The following ARHGEF3 variants were observed in gnomAD, a reference collection of about 807,000 sequenced individuals.
ARHGEF3 encodes Rho guanine nucleotide exchange factor 3.
Under a neutral mutation model 63.2 loss-of-function variants are expected in ARHGEF3, and 28 were observed. The observed-to-expected ratio is 0.44, with a 90% CI of 0.33 to 0.61. The LOEUF (loss-of-function observed/expected upper bound fraction) is 0.61, where lower values mean the gene tolerates loss of function less well. ARHGEF3 is among the 20% of genes least tolerant of loss of function. The probability of loss-of-function intolerance (pLI) is 0.03; values close to 1 mark genes in which losing one functional copy is unlikely to be tolerated. For synonymous variants in ARHGEF3, 266 were observed against 254.2 expected (o/e 1.05, Z -0.44); for missense variants, 533 against 659.3 (o/e 0.81, Z 2.10).
chr3:56,890,538 C>T (rs1400306287), intron 3 of ARHGEF3, among the ~76,000 whole-genome samples: 1 of 152,140 alleles, frequency 6.6e-6, no homozygotes, highest in Non-Finnish European at 1.5e-5. Flanking sequence ...GAGAGTCAGG[C>T]AGGGAGGGTA....
At chr3:56,997,599 C>A (rs1345522316) in intron 2 of ARHGEF3, among the ~76,000 whole-genome samples, 2 of 152,180 alleles carry the variant, frequency 1.3e-5, no homozygotes, top group Non-Finnish European at 2.9e-5. Context: ...CTACCCCGGG[C>A]AGGTTGTCAC....
At chr3:56,896,539 C>T (rs562808395) in intron 3 of ARHGEF3, among the ~76,000 whole-genome samples, 4 of 152,168 alleles carry the variant, frequency 2.6e-5, no homozygotes, top group African/African-American at 7.2e-5. Context: ...TTTTCCTGGT[C>T]CAGAATCCAA....
chr3:56,896,844 CCTCAG>C (rs1197828280), intron 3 of ARHGEF3, among the ~76,000 whole-genome samples: 1 of 152,200 alleles, frequency 6.6e-6, no homozygotes, highest in Non-Finnish European at 1.5e-5. Flanking sequence ...TAGCACATCA[CCTCAG>C]AAGACATGTG....
chr3:57,014,347 C>T (rs9854628), intron 2 of ARHGEF3, among the ~76,000 whole-genome samples: 49,771 of 151,982 alleles, frequency 0.33, 8,537 homozygotes, highest in African/African-American at 0.41. Context: ...CAATAGTGCA[C>T]AGCCTTAACC....
chr3:57,077,604 GAGA>G (rs1240112520), intron 1 of ARHGEF3, among the ~76,000 whole-genome samples: 2 of 152,124 alleles, frequency 1.3e-5, no homozygotes, highest in Non-Finnish European at 2.9e-5. Flanking sequence ...ATGAATGTGG[GAGA>G]AGGTGACAAG....
chr3:57,002,133 G>A (rs1019864442), intron 2 of ARHGEF3, among the ~76,000 whole-genome samples: 1 of 151,288 alleles, frequency 6.6e-6, no homozygotes, highest in Non-Finnish European at 1.5e-5. Context: ...CCATGGTCTC[G>A]ATCTCCTGAC....
intron 2 of ARHGEF3, among the ~76,000 whole-genome samples, chr3:56,763,218 A>T (rs2035519871): frequency 6.6e-6 from 1 of 152,162 alleles, no homozygotes; most frequent in African/African-American, 2.4e-5. Flanking sequence ...AGGATTGGAT[A>T]AGATAAAGTA....
In ARHGEF3 at chr3:56,755,081, G is replaced by A. The variant is rs748819818; in HGVS notation, c.275C>T (p.Ala92Val). ...LAPRPWSRNA[A>V]PSSTKRRDSK... is the part of the protein sequence containing the mutation. ...ATCTCTCCGTTTCGTGCTCGAGGGGGCGGCATTTCTGGACCAGGGTCGGGG... is the reference window on the plus strand; with the variant it reads ...ATCTCTCCGTTTCGTGCTCGAGGGGACGGCATTTCTGGACCAGGGTCGGGG... Residue 92 changes from alanine (A) to valine (V), a missense_variant, in exon 3 of 10, where the codon GCC becomes GTC. Physicochemically the swap from Ala to Val is moderately conservative, Grantham distance 64. Transcript: ENST00000296315. 3.7e-6 allele frequency: 6 copies of A among 1,613,982 alleles called. No individual in the cohort carries two copies. Among genetic ancestry groups the A allele is most frequent in the Non-Finnish European group, 5.1e-6 (6 of 1,180,026 alleles).
intron 1 of ARHGEF3, among the ~76,000 whole-genome samples, chr3:57,043,503 A>C (rs905200039): frequency 2.0e-5 from 3 of 151,780 alleles, no homozygotes; most frequent in Non-Finnish European, 2.9e-5. Context: ...AAAAAAAAAA[A>C]AAACCCTGAG....
chr3:56,791,224 G>A (rs191867924), intron 1 of ARHGEF3, among the ~76,000 whole-genome samples: 1 of 152,032 alleles, frequency 6.6e-6, no homozygotes, highest in Non-Finnish European at 1.5e-5. Context: ...GCAACATAAT[G>A]AGACCCTGAC....
intron 2 of ARHGEF3, among the ~76,000 whole-genome samples, chr3:57,017,703 C>T (rs998378370): frequency 8.5e-5 from 13 of 152,156 alleles, no homozygotes; most frequent in African/African-American, 2.9e-4. Context: ...GATGTCGTCA[C>T]GGCTGCCCAA....
rs1579019121 is a variant in ARHGEF3, at chr3:56,983,644, A to C, written c.63-24755T>G. ...TGGGTCAGGTTCATGTCTCCTTTTA[A>C]AACTGACTATCAGCCGGAAGCAGTG... is the stretch of plus-strand genomic sequence containing the variant. On this transcript the variant is annotated intron_variant, in intron 2 of 12. Coordinates refer to the ARHGEF3 transcript ENST00000338458. 1.3e-5 allele frequency among the ~76,000 whole-genome samples: 2 copies of C among 152,300 alleles called. 1 individual carries two copies. The highest frequency in any genetic ancestry group is 4.1e-4 in the South Asian group (2 of 4,820).
intron 2 of ARHGEF3, among the ~76,000 whole-genome samples, chr3:57,032,312 C>T (rs1051804761): frequency 6.6e-5 from 10 of 152,194 alleles, no homozygotes; most frequent in African/African-American, 2.4e-4. Flanking sequence ...AGGGACAAAG[C>T]CATCACTTTC....
chr3:56,897,496 AC>A (rs1207181829), intron 3 of ARHGEF3, among the ~76,000 whole-genome samples: 2 of 151,984 alleles, frequency 1.3e-5, no homozygotes, highest in Non-Finnish European at 2.9e-5. Flanking sequence ...CAGGGAAAAA[AC>A]ATGCATGTAT....
chr3:56,950,656 T>G lies in ARHGEF3; in HGVS notation c.129+8167A>C, dbSNP rs998551219. Among the ~76,000 whole-genome samples the G allele has an allele frequency of 5.3e-5, 8 of 151,958 alleles. 1 individual carries two copies. The highest frequency in any genetic ancestry group is 2.6e-4 in the Admixed American group (4 of 15,264). ...AGGTGCTGGAGAGGATGTGGAGAAA[T>G]AGGAACACTTTTACACTGTTGGTGG... On this transcript the variant is annotated intron_variant, in intron 3 of 12. Transcript: ENST00000338458.
chr3:56,993,934 G>A (rs1049973889), intron 2 of ARHGEF3, among the ~76,000 whole-genome samples: 9 of 150,900 alleles, frequency 6.0e-5, no homozygotes, highest in African/African-American at 1.9e-4. Flanking sequence ...CGTGGTGATG[G>A]GTGCCTGTAA....
At chr3:56,920,696 C>T (rs1054959794) in intron 3 of ARHGEF3, among the ~76,000 whole-genome samples, 2 of 152,018 alleles carry the variant, frequency 1.3e-5, no homozygotes, top group Non-Finnish European at 2.9e-5. Flanking sequence ...TTAAACATAC[C>T]CCATTTGATA....
At chr3:57,020,560 A>G (rs779703531) in intron 2 of ARHGEF3, among the ~76,000 whole-genome samples, 1 of 152,136 alleles carries the variant, frequency 6.6e-6, no homozygotes, top group Non-Finnish European at 1.5e-5. Flanking sequence ...ATCTGAGTTC[A>G]CTCGGGAAGC....
intron 4 of ARHGEF3, among the ~76,000 whole-genome samples, chr3:56,836,202 A>G (rs2039101638): frequency 6.6e-6 from 1 of 152,204 alleles, no homozygotes; most frequent in Non-Finnish European, 1.5e-5. Context: ...TTTTCGATCA[A>G]TAGTTCATGA....
Sources: gnomAD v4.1 joint callset for allele counts (sites outside exome capture counted in the v4.1 genomes callset) on GRCh38, gnomAD v4.1.1 for gene constraint, MANE v1.5 for transcripts, NCBI Gene and HGNC (gene_info 2026-07-23, HGNC 2026-07-21) for gene names.